The following C10orf67 variants were observed in gnomAD, a reference collection of about 807,000 sequenced individuals.
The protein encoded by C10orf67 is chromosome 10 open reading frame 67.
A neutral mutation model predicts 35.6 loss-of-function variants in C10orf67; 60 were observed. The ratio of observed to expected loss-of-function variants is 1.68; its 90% confidence interval spans 1.37 to 2.09. The LOEUF is 2.09. Ranked by LOEUF, C10orf67 falls within the 30% of genes most tolerant of loss-of-function variation. C10orf67 has a pLI of 0.00. For synonymous variants in C10orf67, 167 were observed against 115.8 expected, an observed-to-expected ratio of 1.44 and a Z score of -2.84; for missense variants, 474 against 330.2, an observed-to-expected ratio of 1.44 and a Z score of -3.38.
intron 10 of C10orf67, among the ~76,000 whole-genome samples, chr10:23,253,803 A>G (rs1392371598): frequency 6.6e-6 from 1 of 152,186 alleles, no homozygotes; most frequent in Non-Finnish European, 1.5e-5. Flanking sequence ...TCTGTAAAGC[A>G]AATAATTATT....
At chr10:23,342,463 C>T (rs1204650456) in intron 1 of C10orf67, among the ~76,000 whole-genome samples, 1 of 152,132 alleles carries the variant, frequency 6.6e-6, no homozygotes, top group East Asian at 1.9e-4. Context: ...AGCTCAGTCG[C>T]CCTAGTACTT....
intron 9 of C10orf67, among the ~76,000 whole-genome samples, chr10:23,266,956 G>A (rs760930948): frequency 1.7e-4 from 26 of 151,984 alleles, no homozygotes; most frequent in Admixed American, 3.3e-4. Flanking sequence ...TGTTGCGCAG[G>A]CTGGTCTTGA....
At chr10:23,267,385 T>C in intron 8 of C10orf67, 131 bp from the exon 9 acceptor site, 2 of 531,760 alleles carry the variant, frequency 3.8e-6, no homozygotes, top group Non-Finnish European at 6.7e-6. Context: ...GATTATGGGA[T>C]AAAAGTTATA....
chr10:23,240,419 T>C (rs547463306), intron 12 of C10orf67, among the ~76,000 whole-genome samples: 4 of 152,336 alleles, frequency 2.6e-5, no homozygotes, highest in Non-Finnish European at 4.4e-5. Flanking sequence ...TCTACCAGAA[T>C]TCAACAAAGT....
chr10:23,205,527 A>T (rs570091968), intron 15 of C10orf67, among the ~76,000 whole-genome samples: 34 of 152,374 alleles, frequency 2.2e-4, no homozygotes, highest in Admixed American at 8.5e-4. Flanking sequence ...AAAAGTACTC[A>T]TCTTACAAAG....
chr10:23,257,982 G>T (rs966989412), intron 10 of C10orf67, among the ~76,000 whole-genome samples: 2 of 152,120 alleles, frequency 1.3e-5, no homozygotes, highest in African/African-American at 2.4e-5. Flanking sequence ...TAAGAGACAG[G>T]TTATTTCAAT....
intron 4 of C10orf67, among the ~76,000 whole-genome samples, chr10:23,320,345 G>A (rs544717891): frequency 1.3e-5 from 2 of 152,348 alleles, no homozygotes; most frequent in Admixed American, 1.3e-4. Flanking sequence ...TGAAGCATGT[G>A]TCTGGCAGAT....
intron 13 of C10orf67, among the ~76,000 whole-genome samples, chr10:23,226,621 A>G (rs1226214055): frequency 3.3e-5 from 5 of 152,218 alleles, no homozygotes; most frequent in Non-Finnish European, 5.9e-5. Context: ...CAGACGCAAA[A>G]AACCCTTCAA....
rs1370962165 is a variant in C10orf67 at position 23,266,427 on chromosome 10, C to A, written c.1036-1G>T. On this transcript the variant is annotated splice_acceptor_variant, in intron 9 of 15. Coordinates refer to ENST00000636213, the MANE Select transcript of C10orf67 (RefSeq NM_001371909.1). LOFTEE classifies it high-confidence loss of function. The stretch of plus-strand genomic sequence containing the variant: ...CTCTCCCCTTGGCTGATCTTGCAAC[C>A]TGCCACACAAAAAGACACAACTTTG... 2 of 398,488 alleles carry A rather than the reference C, an allele frequency of 5.0e-6. No homozygotes were observed. Among genetic ancestry groups the A allele is most frequent in the Non-Finnish European group, 8.8e-6 (2 of 226,062 alleles). The allele number at this position is 398,488 out of a possible 1,614,324, so 24.7% of individuals were successfully genotyped here.
intron 4 of C10orf67, among the ~76,000 whole-genome samples, chr10:23,312,624 G>GTATC (rs1844542228): frequency 6.6e-6 from 1 of 151,532 alleles, no homozygotes; most frequent in Non-Finnish European, 1.5e-5. Context: ...ATACATAAAT[G>GTATC]TATCTACACA....
At chr10:23,344,369 CG>C (rs1381285625) in intron 1 of C10orf67, 199 bp downstream of exon 1, 2 of 589,076 alleles carry the variant, frequency 3.4e-6, no homozygotes, top group Non-Finnish European at 6.0e-6. Context: ...GAGGAGGAGG[CG>C]GGGCGGGCTC....
chr10:23,295,467 A>G (rs1233408786), intron 5 of C10orf67, among the ~76,000 whole-genome samples: 1 of 152,230 alleles, frequency 6.6e-6, no homozygotes, highest in African/African-American at 2.4e-5. Flanking sequence ...TGGAACATAA[A>G]CGGATGGCCA....
chr10:23,220,033 G>A (rs192469317), intron 15 of C10orf67, among the ~76,000 whole-genome samples: 33 of 152,196 alleles, frequency 2.2e-4, no homozygotes, highest in African/African-American at 7.7e-4. Context: ...TTAGCTTGAT[G>A]TGGTGGTGTG....
intron 3 of C10orf67, 80 bp from the exon 4 acceptor site, chr10:23,320,895 TA>T (rs111466499): frequency 3.4e-6 from 3 of 889,044 alleles, no homozygotes; most frequent in Non-Finnish European, 3.5e-6. Flanking sequence ...GGACTCATAG[TA>T]AAAAAACATC....
intron 13 of C10orf67, among the ~76,000 whole-genome samples, chr10:23,231,325 A>G (rs1841909634): frequency 1.3e-5 from 2 of 152,192 alleles, no homozygotes; most frequent in Non-Finnish European, 2.9e-5. Flanking sequence ...ATCCTTAAGG[A>G]TAAATATTCT....
At chr10:23,306,995 G>A (rs2132295953) in intron 4 of C10orf67, among the ~76,000 whole-genome samples, 1 of 152,258 alleles carries the variant, frequency 6.6e-6, no homozygotes, top group East Asian at 1.9e-4. Context: ...TGAATATGTA[G>A]AAAAGGAAGT....
intron 13 of C10orf67, among the ~76,000 whole-genome samples, chr10:23,230,001 C>T (rs970469377): frequency 4.6e-5 from 7 of 151,620 alleles, no homozygotes; most frequent in East Asian, 3.9e-4. Context: ...ATTGACAATC[C>T]GATTCTAAAA....
At chr10:23,228,360 A>G (rs952305773) in intron 13 of C10orf67, among the ~76,000 whole-genome samples, 1 of 152,202 alleles carries the variant, frequency 6.6e-6, no homozygotes, top group Non-Finnish European at 1.5e-5. Flanking sequence ...TATTTAATAA[A>G]TGGTGCTGGG....
intron 4 of C10orf67, among the ~76,000 whole-genome samples, chr10:23,314,266 T>C (rs574849325): frequency 2.6e-5 from 4 of 151,830 alleles, no homozygotes; most frequent in African/African-American, 9.7e-5. Context: ...TTACTAAATA[T>C]GAAAGATGAA....
Sources: gnomAD v4.1 joint callset for allele counts (sites outside exome capture counted in the v4.1 genomes callset) on GRCh38, gnomAD v4.1.1 for gene constraint, MANE v1.5 for transcripts, NCBI Gene and HGNC (gene_info 2026-07-23, HGNC 2026-07-21) for gene names.